SAMD5: variants seen among roughly 807,000 people sequenced by gnomAD.
SAMD5 encodes sterile alpha motif domain containing 5, also known as sterile alpha motif domain-containing protein 5.
Under a neutral mutation model 11.3 loss-of-function variants are expected in SAMD5, and 13 were observed. That is an observed-to-expected ratio of 1.15 (90% confidence interval 0.75 to 1.83). The LOEUF is 1.83. Among genes scored for constraint, SAMD5 ranks in the 40% most tolerant of loss-of-function variants. SAMD5 has a pLI of 0.00. For synonymous variants in SAMD5, 129 were observed against 111.3 expected (o/e 1.16, Z -1.00); for missense variants, 255 against 239.1 (o/e 1.07, Z -0.44).
At chr6:147,931,407 C>CAA in the SAMD5 span, among the ~76,000 whole-genome samples, 7 of 152,268 alleles carry the variant, frequency 4.6e-5, no homozygotes, top group East Asian at 1.3e-3. Flanking sequence ...AAAATGCCCT[C>CAA]ATTTTTCAAA....
the SAMD5 span, among the ~76,000 whole-genome samples, chr6:147,820,577 C>T: frequency 6.6e-6 from 1 of 152,170 alleles, no homozygotes. Context: ...TCCATCCCTA[C>T]TCTATTAACT....
intron 1 of SAMD5, among the ~76,000 whole-genome samples, chr6:147,591,071 A>T (rs1487345302): frequency 6.6e-6 from 1 of 152,112 alleles, no homozygotes; most frequent in Non-Finnish European, 1.5e-5. Context: ...AAAACCACGG[A>T]GACAATAGAC....
chr6:147,733,249 G>C (rs1207899724), intron 1 of SAMD5, among the ~76,000 whole-genome samples: 2 of 152,292 alleles, frequency 1.3e-5, no homozygotes, highest in Non-Finnish European at 2.9e-5. Context: ...GGGATGCCAA[G>C]GATTAAACAG....
At chr6:147,671,889 A>ATTTTT (rs56865442) in intron 1 of SAMD5, among the ~76,000 whole-genome samples, 13 of 98,048 alleles carry the variant, frequency 1.3e-4, no homozygotes, top group East Asian at 3.0e-4. Context: ...CTTTTTCAGG[A>ATTTTT]TTTTTTTTTT....
intron 1 of SAMD5, among the ~76,000 whole-genome samples, chr6:147,624,739 G>T (rs1296461439): frequency 2.6e-5 from 4 of 152,148 alleles, no homozygotes; most frequent in African/African-American, 9.7e-5. Flanking sequence ...TGGGAAGTGG[G>T]TGAGGGATAA....
At chr6:147,618,061 C>T (rs1235085376) in intron 1 of SAMD5, among the ~76,000 whole-genome samples, 1 of 152,152 alleles carries the variant, frequency 6.6e-6, no homozygotes, top group Non-Finnish European at 1.5e-5. Context: ...CAACAGGCTA[C>T]TTTTTATGTT....
At chr6:147,765,716 G>C in the SAMD5 span, among the ~76,000 whole-genome samples, 4 of 152,200 alleles carry the variant, frequency 2.6e-5, no homozygotes, top group Non-Finnish European at 4.4e-5. Flanking sequence ...ACGGGCTGAA[G>C]AGAGAGGCTT....
the SAMD5 span, among the ~76,000 whole-genome samples, chr6:147,902,040 C>G: frequency 1.3e-5 from 2 of 152,036 alleles, no homozygotes; most frequent in Non-Finnish European, 1.5e-5. Context: ...AATCAATAGT[C>G]TCCTCTTATG....
At chr6:147,850,993 CT>C in the SAMD5 span, among the ~76,000 whole-genome samples, 2 of 144,108 alleles carry the variant, frequency 1.4e-5, no homozygotes, top group Non-Finnish European at 3.0e-5. Context: ...GTTTCCCAGT[CT>C]GCAGTGCAGT....
chr6:147,763,409 G>A, the SAMD5 span, among the ~76,000 whole-genome samples: 5 of 151,712 alleles, frequency 3.3e-5, no homozygotes, highest in Admixed American at 6.6e-5. Flanking sequence ...TGATCTGCCC[G>A]CCTCGGCCTC....
Position 147,523,810 on chromosome 6 carries a change from T to C in SAMD5, c.459+14423T>C, listed in dbSNP as rs578179109. ...TGTTAATTACCTGCACAGCTGGTCC[T>C]GTAGTCACTGTCATTTATAGGCATC... is the stretch of plus-strand genomic sequence containing the variant. On this transcript the variant is annotated intron_variant, in intron 1 of 1. Coordinates refer to ENST00000367474, the MANE Select transcript of SAMD5 (RefSeq NM_001030060.3). Among the ~76,000 whole-genome samples the C allele has an allele frequency of 8.5e-5, 13 of 152,352 alleles. 1 individual carries two copies. In the South Asian group the frequency reaches 2.7e-3, roughly 32 times the overall value.
At chr6:147,580,805 G>A (rs1219542287) in intron 1 of SAMD5, among the ~76,000 whole-genome samples, 2 of 138,830 alleles carry the variant, frequency 1.4e-5, no homozygotes, top group East Asian at 4.4e-4. Flanking sequence ...CTTTTTTGCA[G>A]CTAAACTATG....
intron 1 of SAMD5, among the ~76,000 whole-genome samples, chr6:147,551,820 ATATATATATATATATATG>A (rs1470129623): frequency 1.6e-5 from 1 of 64,014 alleles, no homozygotes; most frequent in Non-Finnish European, 3.0e-5. Context: ...TGTTATATAT[ATATATATATATATATATG>A]TATATATGTA....
the SAMD5 span, among the ~76,000 whole-genome samples, chr6:147,937,459 G>A: frequency 6.6e-6 from 1 of 152,182 alleles, no homozygotes; most frequent in Non-Finnish European, 1.5e-5. Flanking sequence ...CTTAGATAGG[G>A]ACTCTCTTTA....
chr6:147,784,340 TTC>T, the SAMD5 span, among the ~76,000 whole-genome samples: 4 of 152,146 alleles, frequency 2.6e-5, no homozygotes, highest in East Asian at 7.7e-4. Flanking sequence ...TCTAAAAATA[TTC>T]TCTCTCTGCT....
At chr6:147,907,519 T>C in the SAMD5 span, among the ~76,000 whole-genome samples, 1 of 152,258 alleles carries the variant, frequency 6.6e-6, no homozygotes, top group Non-Finnish European at 1.5e-5. Context: ...ATCTCTGTGT[T>C]CACGTGGGCA....
At chr6:147,793,484 T>C in the SAMD5 span, among the ~76,000 whole-genome samples, 1 of 152,150 alleles carries the variant, frequency 6.6e-6, no homozygotes, top group Non-Finnish European at 1.5e-5. Context: ...ATGAATAAAG[T>C]ATAGACTTTA....
chr6:147,891,829 A>G, the SAMD5 span, among the ~76,000 whole-genome samples: 3 of 152,096 alleles, frequency 2.0e-5, no homozygotes, highest in African/African-American at 7.2e-5. Context: ...GCAGAGGTCC[A>G]TGGTATGAAC....
intron 1 of SAMD5, among the ~76,000 whole-genome samples, chr6:147,528,513 C>T (rs1562313222): frequency 2.6e-5 from 4 of 152,108 alleles, no homozygotes; most frequent in Admixed American, 2.0e-4. Context: ...ACTGTAATCA[C>T]CTCTTTAAAG....
Sources: allele counts gnomAD v4.1 joint callset (sites outside exome capture counted in the v4.1 genomes callset), GRCh38; gene constraint gnomAD v4.1.1; transcripts MANE v1.5; gene names NCBI Gene and HGNC (gene_info 2026-07-23, HGNC 2026-07-21).